CAMK1D: variants seen among roughly 807,000 people sequenced by gnomAD.
CAMK1D encodes the protein calcium/calmodulin dependent protein kinase ID.
In CAMK1D, 9 loss-of-function variants were observed where a neutral mutation model predicts 47.7. The observed-to-expected ratio is 0.19, with a 90% CI of 0.11 to 0.33. The LOEUF is 0.33. CAMK1D is among the 10% of genes least tolerant of loss of function. The pLI, the probability that CAMK1D is intolerant of heterozygous loss-of-function variation, is 1.00. For missense variants in CAMK1D, 291 were observed against 488.7 expected, an observed-to-expected ratio of 0.60 and a Z score of 3.81; for synonymous variants, 184 against 184.9, an observed-to-expected ratio of 0.99 and a Z score of 0.04.
intron 8 of CAMK1D, among the ~76,000 whole-genome samples, chr10:12,818,657 C>T (rs188522764): frequency 2.2e-4 from 33 of 147,346 alleles, no homozygotes; most frequent in Middle Eastern, 7.0e-3. Flanking sequence ...GGCCACAGAG[C>T]GAGACTCTGT....
intron 5 of CAMK1D, 152 bp from the exon 6 acceptor site, chr10:12,791,006 A>T: frequency 1.6e-5 from 6 of 379,030 alleles, no homozygotes; most frequent in South Asian, 2.9e-5. Context: ...CCTTCCTTTA[A>T]AAAAAAAAAG....
At chr10:12,723,337 C>A (rs1004728474) in intron 3 of CAMK1D, among the ~76,000 whole-genome samples, 2 of 152,144 alleles carry the variant, frequency 1.3e-5, no homozygotes, top group Non-Finnish European at 2.9e-5. Context: ...GCATCTGCAG[C>A]TCACAAGGTT....
intron 2 of CAMK1D, among the ~76,000 whole-genome samples, chr10:12,556,769 A>G (rs1836774281): frequency 1.3e-5 from 2 of 152,226 alleles, no homozygotes; most frequent in South Asian, 4.1e-4. Context: ...TGAAAGGAGC[A>G]ACATGATCAA....
intron 2 of CAMK1D, among the ~76,000 whole-genome samples, chr10:12,612,860 T>C (rs4433478): frequency 0.22 from 33,854 of 152,152 alleles, 4,267 homozygotes; most frequent in South Asian, 0.35. Context: ...TTTTTTAAAA[T>C]CCCTCAAATT....
At chr10:12,551,025 G>A (rs1232762925) in intron 1 of CAMK1D, among the ~76,000 whole-genome samples, 1 of 152,204 alleles carries the variant, frequency 6.6e-6, no homozygotes, top group Non-Finnish European at 1.5e-5. Flanking sequence ...TGTTCCCCCT[G>A]TTCAGGAATC....
intron 1 of CAMK1D, among the ~76,000 whole-genome samples, chr10:12,396,441 G>A (rs1173597215): frequency 6.6e-6 from 1 of 152,128 alleles, no homozygotes; most frequent in Admixed American, 6.5e-5. Flanking sequence ...GGTTCATTCT[G>A]GGCCCTCCAA....
intron 1 of CAMK1D, among the ~76,000 whole-genome samples, chr10:12,363,248 T>TTTTTTGTTTG: frequency 6.6e-6 from 1 of 151,994 alleles, no homozygotes; most frequent in East Asian, 1.9e-4. Flanking sequence ...GCCTGTTTTT[T>TTTTTTGTTTG]TTTTGTTTGT....
intron 1 of CAMK1D, among the ~76,000 whole-genome samples, chr10:12,490,870 G>T (rs1834362978): frequency 6.6e-6 from 1 of 152,148 alleles, no homozygotes; most frequent in Admixed American, 6.5e-5. Flanking sequence ...CTGATTTGGT[G>T]ATGACATACT....
intron 1 of CAMK1D, among the ~76,000 whole-genome samples, chr10:12,398,254 G>T (rs988710429): frequency 6.6e-6 from 1 of 151,706 alleles, no homozygotes; most frequent in African/African-American, 2.4e-5. Context: ...TTTTATCCTA[G>T]GATATTATAT....
chr10:12,733,427 C>T (rs563072790), intron 3 of CAMK1D, among the ~76,000 whole-genome samples: 1 of 152,282 alleles, frequency 6.6e-6, no homozygotes, highest in African/African-American at 2.4e-5. Context: ...CTTCGTTGAC[C>T]AGGTGGATGT....
chr10:12,712,389 G>A lies in CAMK1D; in HGVS notation c.299+45579G>A, dbSNP rs370752730. 4.6e-5 allele frequency among the ~76,000 whole-genome samples: 7 copies of A among 152,230 alleles called. No homozygotes were observed. In the South Asian group the frequency reaches 1.2e-3, roughly 27 times the overall value. Reference sequence around the variant, plus strand: ...GCAGCGCCATGGAGGGGCACACAGGGTGAAGAAGGGTGTCTTAGCTGGAAT... The same window carrying A: ...GCAGCGCCATGGAGGGGCACACAGGATGAAGAAGGGTGTCTTAGCTGGAAT... On this transcript the variant is annotated intron_variant, in intron 3 of 10. Transcript: ENST00000619168.
intron 1 of CAMK1D, among the ~76,000 whole-genome samples, chr10:12,370,251 A>G (rs1185367929): frequency 2.6e-5 from 4 of 152,162 alleles, no homozygotes; most frequent in Non-Finnish European, 4.4e-5. Flanking sequence ...GCTGGGGTCA[A>G]CAGACCTGTT....
intron 5 of CAMK1D, among the ~76,000 whole-genome samples, chr10:12,781,799 G>A (rs1055481520): frequency 4.6e-5 from 7 of 151,764 alleles, no homozygotes; most frequent in Non-Finnish European, 8.8e-5. Context: ...TTACAAGCAC[G>A]CATCACTGCA....
intron 3 of CAMK1D, among the ~76,000 whole-genome samples, chr10:12,685,416 T>C (rs1832621906): frequency 6.6e-6 from 1 of 152,220 alleles, no homozygotes; most frequent in South Asian, 2.1e-4. Flanking sequence ...TATATCTGAG[T>C]TTCTGCATCT....
chr10:12,662,775 G>A (rs1202287190), intron 2 of CAMK1D, among the ~76,000 whole-genome samples: 1 of 152,150 alleles, frequency 6.6e-6, no homozygotes, highest in Non-Finnish European at 1.5e-5. Context: ...TGGCACTGGG[G>A]TGACAGTAGT....
intron 3 of CAMK1D, among the ~76,000 whole-genome samples, chr10:12,735,160 G>A (rs770323726): frequency 7.2e-5 from 11 of 152,170 alleles, no homozygotes; most frequent in Non-Finnish European, 1.5e-4. Flanking sequence ...AATTATGCCC[G>A]TTTTACAGAT....
At chr10:12,469,120 G>T (rs920711273) in intron 1 of CAMK1D, among the ~76,000 whole-genome samples, 3 of 152,096 alleles carry the variant, frequency 2.0e-5, no homozygotes, top group African/African-American at 7.2e-5. Flanking sequence ...GAGGAGAGGA[G>T]GGGGGCGGTG....
At chr10:12,810,359 C>T (rs534441664) in intron 6 of CAMK1D, among the ~76,000 whole-genome samples, 16 of 150,236 alleles carry the variant, frequency 1.1e-4, no homozygotes, top group African/African-American at 2.9e-4. Context: ...ACTGCAACCT[C>T]CGCCTCCCGG....
intron 1 of CAMK1D, among the ~76,000 whole-genome samples, chr10:12,516,395 C>T (rs1835212664): frequency 6.6e-6 from 1 of 152,230 alleles, no homozygotes; most frequent in African/African-American, 2.4e-5. Context: ...GCGTGAGCCA[C>T]CGCGCCCAGC....
Sources: allele counts gnomAD v4.1 joint callset (sites outside exome capture counted in the v4.1 genomes callset), GRCh38; gene constraint gnomAD v4.1.1; transcripts MANE v1.5; gene names NCBI Gene and HGNC (gene_info 2026-07-23, HGNC 2026-07-21).